GRIN2B: variants seen among roughly 807,000 people sequenced by gnomAD.
The protein encoded by GRIN2B is glutamate receptor ionotropic, NMDA 2B.
A neutral mutation model predicts 114.5 loss-of-function variants in GRIN2B; 5 were observed. The observed-to-expected ratio is 0.04, with a 90% CI of 0.02 to 0.09. The LOEUF is 0.09. Ranked by LOEUF, GRIN2B falls within the 10% of genes least tolerant of loss-of-function variation. The pLI is 1.00. For missense variants in GRIN2B, 1,108 were observed against 1,943.5 expected, an observed-to-expected ratio of 0.57 and a Z score of 8.08; for synonymous variants, 787 against 745.1, an observed-to-expected ratio of 1.06 and a Z score of -0.92.
At chr12:13,677,891 CT>C (rs1177975201) in intron 4 of GRIN2B, among the ~76,000 whole-genome samples, 1 of 151,962 alleles carries the variant, frequency 6.6e-6, no homozygotes, top group Non-Finnish European at 1.5e-5. Context: ...CTTTAAAGAC[CT>C]GTTAAACTCT....
chr12:13,926,904 G>A (rs1817803698), intron 2 of GRIN2B, among the ~76,000 whole-genome samples: 1 of 149,324 alleles, frequency 6.7e-6, no homozygotes, highest in Admixed American at 6.7e-5. Flanking sequence ...AGTGAGCCAA[G>A]ATCACACCAC....
At chr12:13,690,502 TTTCTA>T (rs1328128213) in intron 4 of GRIN2B, among the ~76,000 whole-genome samples, 2 of 152,164 alleles carry the variant, frequency 1.3e-5, no homozygotes, top group South Asian at 2.1e-4. Context: ...TAATCTTTCT[TTTCTA>T]AAGAATGAGA....
At chr12:13,949,114 C>T (rs981608898) in intron 2 of GRIN2B, among the ~76,000 whole-genome samples, 1 of 152,114 alleles carries the variant, frequency 6.6e-6, no homozygotes, top group African/African-American at 2.4e-5. Flanking sequence ...GGGACCATTG[C>T]TTCAACCCTA....
intron 4 of GRIN2B, among the ~76,000 whole-genome samples, chr12:13,736,385 A>G (rs1863185506): frequency 6.6e-6 from 1 of 152,198 alleles, no homozygotes. Context: ...GATGGAAACA[A>G]TGACAACCAA....
In GRIN2B at chr12:13,875,889, G is replaced by C. The variant is rs1000862702; in HGVS notation, c.-18-9663C>G. The stretch of plus-strand genomic sequence containing the variant: ...TTCCATGGGCCAGGGAACCTGCTAG[G>C]AGACAGGATCCAACACAGAATGGGA... On this transcript the variant is annotated intron_variant, in intron 2 of 13. Coordinates refer to ENST00000609686, the MANE Select transcript of GRIN2B (RefSeq NM_000834.5). Among the ~76,000 whole-genome samples, 4 of 152,232 alleles carry C rather than the reference G, an allele frequency of 2.6e-5. No individual in the cohort carries two copies. In the South Asian group the frequency reaches 6.2e-4, roughly 24 times the overall value.
chr12:13,614,016 CAAAAAAAAAAAAA>C (rs77527098), intron 8 of GRIN2B, among the ~76,000 whole-genome samples: 1 of 92,910 alleles, frequency 1.1e-5, no homozygotes, highest in Non-Finnish European at 2.1e-5. Context: ...CCTTGCACAG[CAAAAAAAAAAAAA>C]AAAAAAAAAG....
chr12:13,646,282 A>G (rs765985233), intron 5 of GRIN2B, among the ~76,000 whole-genome samples: 1 of 152,054 alleles, frequency 6.6e-6, no homozygotes, highest in Non-Finnish European at 1.5e-5. Context: ...TCTTCCTCCA[A>G]CTCTATCTAC....
In GRIN2B at chr12:13,563,413, G is replaced by A. The variant is rs200571186; in HGVS notation, c.3825C>T (p.Asn1275=). The A allele has an allele frequency of 5.6e-6, 9 of 1,614,160 alleles. No homozygotes were observed. The highest frequency in any genetic ancestry group is 5.9e-6 in the Non-Finnish European group (7 of 1,180,012). The change falls in exon 14 of 14, where the codon AAC becomes AAT. Residue 1275 remains asparagine, a synonymous_variant. Coordinates refer to ENST00000609686, the MANE Select transcript of GRIN2B (RefSeq NM_000834.5). ...QPAAPVAVTS[N]ASTTKYPQSP... is the part of the protein sequence containing the mutation. The stretch of plus-strand genomic sequence containing the variant: ...TCTGAGGGTACTTAGTGGTGGAGGC[G>A]TTTGACGTCACCGCCACTGGGGCAG...
chr12:13,785,920 G>A (rs1864215422), intron 3 of GRIN2B, among the ~76,000 whole-genome samples: 1 of 152,164 alleles, frequency 6.6e-6, no homozygotes, highest in Non-Finnish European at 1.5e-5. Context: ...GTTAAGTAAT[G>A]TTTTCATTTG....
chr12:13,951,592 C>T (rs1036814611), intron 2 of GRIN2B, among the ~76,000 whole-genome samples: 2 of 152,152 alleles, frequency 1.3e-5, no homozygotes, highest in Admixed American at 1.3e-4. Context: ...TAATTGCACC[C>T]ATTTGTCAAA....
chr12:13,762,735 GC>G (rs1054496109), intron 3 of GRIN2B, among the ~76,000 whole-genome samples: 1 of 152,190 alleles, frequency 6.6e-6, no homozygotes, highest in African/African-American at 2.4e-5. Context: ...AGGGCTCTTT[GC>G]CCTTCTGTCC....
At chr12:13,772,553 C>T (rs113504908) in intron 3 of GRIN2B, among the ~76,000 whole-genome samples, 3,539 of 152,250 alleles carry the variant, frequency 0.023, 65 homozygotes, top group Middle Eastern at 0.058. Context: ...TTAATATCAG[C>T]GCATCATAAT....
At chr12:13,594,717 T>C (rs1408373031) in intron 10 of GRIN2B, among the ~76,000 whole-genome samples, 1 of 148,058 alleles carries the variant, frequency 6.8e-6, no homozygotes, top group Non-Finnish European at 1.5e-5. Context: ...TAGTGCCAAG[T>C]GGAAGGGCAG....
intron 2 of GRIN2B, among the ~76,000 whole-genome samples, chr12:13,896,733 A>C (rs1410838921): frequency 2.6e-5 from 4 of 152,206 alleles, no homozygotes; most frequent in African/African-American, 9.6e-5. Flanking sequence ...GTATTTAAAC[A>C]TGAAGAATAT....
At chr12:13,887,478 G>C (rs1866183938) in intron 2 of GRIN2B, among the ~76,000 whole-genome samples, 2 of 152,102 alleles carry the variant, frequency 1.3e-5, no homozygotes. Context: ...GTAGGCATGG[G>C]ATTACAAGGC....
intron 4 of GRIN2B, among the ~76,000 whole-genome samples, chr12:13,718,280 C>G (rs1950475595): frequency 6.6e-6 from 1 of 152,080 alleles, no homozygotes; most frequent in Non-Finnish European, 1.5e-5. Context: ...ACATGCTGCT[C>G]CTCTTCCTCC....
At chr12:13,836,916 G>A (rs1306825939) in intron 3 of GRIN2B, among the ~76,000 whole-genome samples, 1 of 152,232 alleles carries the variant, frequency 6.6e-6, no homozygotes, top group Non-Finnish European at 1.5e-5. Context: ...CCGGGGAATG[G>A]AGAATGCATT....
intron 10 of GRIN2B, among the ~76,000 whole-genome samples, chr12:13,605,642 C>G (rs547238753): frequency 6.7e-6 from 1 of 150,350 alleles, no homozygotes; most frequent in East Asian, 2.0e-4. Flanking sequence ...ATAATGAACA[C>G]GGTATGGAGG....
chr12:13,978,324 C>T (rs1242720882), intron 2 of GRIN2B, among the ~76,000 whole-genome samples: 2 of 152,198 alleles, frequency 1.3e-5, no homozygotes, highest in African/African-American at 2.4e-5. Flanking sequence ...TAACCTCAGT[C>T]ATTTGTAGAC....
Sources: allele counts gnomAD v4.1 joint callset (sites outside exome capture counted in the v4.1 genomes callset), GRCh38; gene constraint gnomAD v4.1.1; transcripts MANE v1.5; gene names NCBI Gene and HGNC (gene_info 2026-07-23, HGNC 2026-07-21).